The following PHKB variants were observed in gnomAD, a reference collection of about 807,000 sequenced individuals.
PHKB encodes the protein phosphorylase b kinase regulatory subunit beta.
Under a neutral mutation model 152.1 loss-of-function variants are expected in PHKB, and 122 were observed. The observed-to-expected ratio is 0.80, with a 90% CI of 0.69 to 0.93. The LOEUF (loss-of-function observed/expected upper bound fraction) is 0.93, where lower values mean the gene tolerates loss of function less well. Among genes scored for constraint, PHKB ranks in the 40% least tolerant of loss-of-function variants. The pLI is 0.00. For missense variants in PHKB, 1,304 were observed against 1,328.4 expected (o/e 0.98, Z 0.29); for synonymous variants, 436 against 464.9 (o/e 0.94, Z 0.80).
At chr16:47,533,717 G>C (rs1322666607) in intron 6 of PHKB, among the ~76,000 whole-genome samples, 1 of 152,192 alleles carries the variant, frequency 6.6e-6, no homozygotes, top group South Asian at 2.1e-4. Flanking sequence ...AAGCCTGCGA[G>C]GGCAGGGAGG....
intron 1 of PHKB, among the ~76,000 whole-genome samples, chr16:47,480,673 A>G (rs959355293): frequency 6.6e-6 from 1 of 152,196 alleles, no homozygotes; most frequent in Non-Finnish European, 1.5e-5. Context: ...TTCAATATCC[A>G]TTGTCATAAC....
rs539403181 is a variant in PHKB, at chr16:47,496,211, G to A, written c.77-1188G>A. Among the ~76,000 whole-genome samples the A allele has an allele frequency of 1.4e-4, 22 of 151,928 alleles. 2 individuals are homozygous for A. In the South Asian group the frequency reaches 4.6e-3, roughly 32 times the overall value. ...ATGGTATACATTACCTGAATCCAGA[G>A]ATGGATTAATTGTGACCTTGAGTTG... is the stretch of plus-strand genomic sequence containing the variant. On this transcript the variant is annotated intron_variant, in intron 1 of 30. Coordinates refer to ENST00000323584, the MANE Select transcript of PHKB (RefSeq NM_000293.3).
At chr16:47,526,570 C>T (rs1241679747) in intron 6 of PHKB, among the ~76,000 whole-genome samples, 1 of 151,856 alleles carries the variant, frequency 6.6e-6, no homozygotes, top group African/African-American at 2.4e-5. Flanking sequence ...ACGGTCAGGG[C>T]ACCACTGAAC....
chr16:47,615,976 C>T (rs1000666644), intron 14 of PHKB, among the ~76,000 whole-genome samples: 1 of 152,164 alleles, frequency 6.6e-6, no homozygotes, highest in Non-Finnish European at 1.5e-5. Flanking sequence ...AGTATATTTA[C>T]CAGAACCAAT....
At chr16:47,646,987 T>A (rs1973140432) in intron 16 of PHKB, among the ~76,000 whole-genome samples, 1 of 152,176 alleles carries the variant, frequency 6.6e-6, no homozygotes, top group African/African-American at 2.4e-5. Flanking sequence ...AACTCCTAAT[T>A]CATTCCAAGA....
At chr16:47,469,179 A>G (rs967971564) in intron 1 of PHKB, among the ~76,000 whole-genome samples, 8 of 152,204 alleles carry the variant, frequency 5.3e-5, no homozygotes, top group Non-Finnish European at 7.3e-5. Context: ...AACATAAAAA[A>G]TGTTCAGTAA....
At chr16:47,467,397 A>G (rs1969687211) in intron 1 of PHKB, among the ~76,000 whole-genome samples, 1 of 152,212 alleles carries the variant, frequency 6.6e-6, no homozygotes, top group African/African-American at 2.4e-5. Flanking sequence ...TATTTTTGTC[A>G]GTAATCACTG....
intron 22 of PHKB, 76 bp downstream of exon 22, chr16:47,660,895 C>A: frequency 7.0e-7 from 1 of 1,427,102 alleles, no homozygotes; most frequent in Non-Finnish European, 9.9e-7. Flanking sequence ...GACCATATGT[C>A]TTTTTGTCCT....
At chr16:47,595,111 A>G (rs1356384922) in intron 12 of PHKB, among the ~76,000 whole-genome samples, 1 of 152,216 alleles carries the variant, frequency 6.6e-6, no homozygotes, top group Non-Finnish European at 1.5e-5. Context: ...GTGAGAAATA[A>G]TGTATTAAAT....
At chr16:47,593,632 G>C (rs1424385762) in intron 11 of PHKB, 75 bp downstream of exon 11, 1 of 870,968 alleles carries the variant, frequency 1.1e-6, no homozygotes, top group Non-Finnish European at 2.0e-6. Flanking sequence ...GTGGTTTAAA[G>C]AAGAGCAGAA....
rs13337909 is a variant in PHKB, at chr16:47,496,124, C to A, written c.77-1275C>A. Among the ~76,000 whole-genome samples, 619 of 151,574 alleles carry A rather than the reference C, an allele frequency of 4.1e-3. 6 individuals are homozygous for A. Among genetic ancestry groups the A allele is most frequent in the African/African-American group, 0.014 (590 of 41,294 alleles). ...TTAAAAACAGAATCTTAATCTGTGC[C>A]AATGTGATTTCTGCCACTAGGTAAA... is the stretch of plus-strand genomic sequence containing the variant. On this transcript the variant is annotated intron_variant, in intron 1 of 30. Transcript: ENST00000323584.
Position 47,648,517 on chromosome 16 carries a change from A to G in PHKB, c.1609-16A>G, listed in dbSNP as rs1366248298. The G allele has an allele frequency of 6.3e-7, 1 of 1,576,760 alleles. No homozygotes were observed. Among genetic ancestry groups the G allele is most frequent in the African/African-American group, 1.3e-5 (1 of 74,322 alleles). On this transcript the variant is annotated splice_polypyrimidine_tract_variant and intron_variant, in intron 16 of 30. Coordinates refer to ENST00000323584, the MANE Select transcript of PHKB (RefSeq NM_000293.3). ...GATTCTTACCTGACTCTAATTTACA[A>G]ACTTGTGTCTTACAGGCTTATTTGC...
intron 13 of PHKB, among the ~76,000 whole-genome samples, chr16:47,609,539 A>ATG (rs1245063995): frequency 9.7e-5 from 14 of 144,606 alleles, no homozygotes; most frequent in South Asian, 2.2e-4. Context: ...CTATGTGTGG[A>ATG]TGTGTGTGTG....
At chr16:47,599,735 A>G (rs1228664983) in intron 13 of PHKB, among the ~76,000 whole-genome samples, 1 of 152,234 alleles carries the variant, frequency 6.6e-6, no homozygotes, top group Non-Finnish European at 1.5e-5. Flanking sequence ...GGTATTTTGC[A>G]TACTATGAAA....
At chr16:47,579,125 A>G (rs1420098404) in intron 7 of PHKB, among the ~76,000 whole-genome samples, 1 of 152,104 alleles carries the variant, frequency 6.6e-6, no homozygotes, top group East Asian at 1.9e-4. Flanking sequence ...TTTATATGTA[A>G]TGTCCAAGCT....
chr16:47,642,799 C>T (rs1257497803), intron 16 of PHKB, among the ~76,000 whole-genome samples: 1 of 152,122 alleles, frequency 6.6e-6, no homozygotes, highest in African/African-American at 2.4e-5. Flanking sequence ...TTAACCACCA[C>T]TACCCTGCCA....
chr16:47,581,690 G>GT, intron 8 of PHKB, among the ~76,000 whole-genome samples: 1 of 152,098 alleles, frequency 6.6e-6, no homozygotes, highest in East Asian at 1.9e-4. Context: ...TTTTATTTTT[G>GT]TTTTTTGAGA....
At position 47,660,767 on chromosome 16, in the gene PHKB, A is replaced by C. The variant is rs1233892507; in HGVS notation, c.2144A>C (p.Asn715Thr). ...APELGQQPDV[N>T]ISEWKDKPTH... The stretch of plus-strand genomic sequence containing the variant: ...GAACTGGGACAGCAGCCGGATGTCA[A>C]CATTAGTGAATGGAAGGACAAACCC... The change falls in exon 22 of 31, where the codon AAC (asparagine) becomes ACC (threonine). Residue 715 changes from asparagine to threonine, a missense_variant. Asn to Thr is a moderately conservative substitution (Grantham distance 65). Transcript: ENST00000323584. 5 of 1,614,154 alleles carry C rather than the reference A, an allele frequency of 3.1e-6. No individual in the cohort carries two copies. The South Asian group carries it at 5.5e-5, about 18-fold the overall frequency.
intron 7 of PHKB, among the ~76,000 whole-genome samples, chr16:47,580,077 G>A (rs1971816608): frequency 6.6e-6 from 1 of 152,014 alleles, no homozygotes; most frequent in Non-Finnish European, 1.5e-5. Flanking sequence ...TTAGATCAAG[G>A]TGAACCTAGA....
Sources: gnomAD v4.1 joint callset for allele counts (sites outside exome capture counted in the v4.1 genomes callset) on GRCh38, gnomAD v4.1.1 for gene constraint, MANE v1.5 for transcripts, NCBI Gene and HGNC (gene_info 2026-07-23, HGNC 2026-07-21) for gene names.